Variants in GRID1 observed in about 807,000 individuals in gnomAD.
The protein encoded by GRID1 is glutamate ionotropic receptor delta type subunit 1.
GRID1 carries 28 observed loss-of-function variants against 98.0 expected under a neutral mutation model. That is an observed-to-expected ratio of 0.29 (90% CI 0.21 to 0.39). The LOEUF (loss-of-function observed/expected upper bound fraction) is 0.39, where lower values mean the gene tolerates loss of function less well. GRID1 is among the 10% of genes least tolerant of loss of function. The pLI, the probability that GRID1 is intolerant of heterozygous loss-of-function variation, is 1.00. For synonymous variants in GRID1, 553 were observed against 538.5 expected (o/e 1.03, Z -0.37); for missense variants, 1,111 against 1,340.5 (o/e 0.83, Z 2.67).
At chr10:86,100,975 C>A (rs1844287855) in intron 4 of GRID1, among the ~76,000 whole-genome samples, 1 of 152,084 alleles carries the variant, frequency 6.6e-6, no homozygotes, top group African/African-American at 2.4e-5. Flanking sequence ...TTGTTATGCA[C>A]CATTAAATGG....
intron 8 of GRID1, among the ~76,000 whole-genome samples, chr10:85,791,568 G>T (rs1020194044): frequency 6.6e-6 from 1 of 152,088 alleles, no homozygotes; most frequent in Non-Finnish European, 1.5e-5. Context: ...ATGATAACCA[G>T]AAAGAAAGTG....
chr10:86,275,157 C>T lies in GRID1; in HGVS notation c.236-68509G>A, dbSNP rs541634517. Among the ~76,000 whole-genome samples, 2 of 152,150 alleles carry T rather than the reference C, an allele frequency of 1.3e-5. 1 individual carries two copies. The highest frequency in any genetic ancestry group is 4.1e-4 in the South Asian group (2 of 4,830). On this transcript the variant is annotated intron_variant, in intron 2 of 15. Transcript: ENST00000327946. ...TCATGGCATTCAAGGAATTATCTGTCAAAACATTAGCCAAACACAGGCTAA... is the reference window on the plus strand; with the variant it reads ...TCATGGCATTCAAGGAATTATCTGTTAAAACATTAGCCAAACACAGGCTAA...
chr10:85,647,171 T>G, intron 13 of GRID1, 31 bp downstream of exon 13: 1 of 1,588,584 alleles, frequency 6.3e-7, no homozygotes, highest in Non-Finnish European at 8.6e-7. Context: ...CCTGTTACAG[T>G]GCACGTGCCC....
intron 5 of GRID1, among the ~76,000 whole-genome samples, chr10:85,872,607 G>A (rs959383271): frequency 6.6e-6 from 1 of 152,240 alleles, no homozygotes; most frequent in East Asian, 1.9e-4. Flanking sequence ...AGCACCTGGA[G>A]TGAGTGGCTA....
intron 12 of GRID1, among the ~76,000 whole-genome samples, chr10:85,689,241 A>G (rs897416502): frequency 2.6e-5 from 4 of 152,232 alleles, no homozygotes; most frequent in African/African-American, 9.6e-5. Flanking sequence ...TGGAACTGGT[A>G]CAGATAGGCT....
At chr10:85,697,316 T>G (rs1841405366) in intron 12 of GRID1, among the ~76,000 whole-genome samples, 1 of 152,172 alleles carries the variant, frequency 6.6e-6, no homozygotes, top group Non-Finnish European at 1.5e-5. Flanking sequence ...GCATAAATAT[T>G]TAGACATGTT....
intron 4 of GRID1, among the ~76,000 whole-genome samples, chr10:86,002,724 G>A (rs1842816226): frequency 6.6e-6 from 1 of 152,114 alleles, no homozygotes; most frequent in Non-Finnish European, 1.5e-5. Flanking sequence ...TAAAAACTGT[G>A]GAATTAAGCC....
In GRID1 at chr10:85,870,060, C is replaced by T. The variant is rs142729283; in HGVS notation, c.781-880G>A. Among the ~76,000 whole-genome samples, 1,201 of 152,228 alleles carry T rather than the reference C, an allele frequency of 7.9e-3. 17 individuals carry two copies. The highest frequency in any genetic ancestry group is 0.034 in the Middle Eastern group (10 of 294). On this transcript the variant is annotated intron_variant, in intron 5 of 15. Transcript: ENST00000327946. ...GATTGAAGGATGCAAAGTATTGTTC[C>T]TGGGTGTGTCTGTGAGGGTGTTGCC...
intron 8 of GRID1, among the ~76,000 whole-genome samples, chr10:85,730,247 C>A (rs1020978760): frequency 2.6e-5 from 4 of 152,208 alleles, no homozygotes; most frequent in African/African-American, 9.7e-5. Context: ...ATCCAATAGC[C>A]AGAGGCATCT....
chr10:85,798,105 A>G (rs1842542481), intron 8 of GRID1, among the ~76,000 whole-genome samples: 1 of 152,116 alleles, frequency 6.6e-6, no homozygotes, highest in South Asian at 2.1e-4. Context: ...ACAATGATCT[A>G]TTTTCCTTTG....
At chr10:85,826,169 A>G (rs1350821274) in intron 8 of GRID1, among the ~76,000 whole-genome samples, 2 of 148,664 alleles carry the variant, frequency 1.3e-5, no homozygotes, top group Non-Finnish European at 3.0e-5. Context: ...CATCTCTACT[A>G]AAAAAAAAAT....
chr10:86,231,001 C>T lies in GRID1; in HGVS notation c.236-24353G>A, dbSNP rs1014484540. On this transcript the variant is annotated intron_variant, in intron 2 of 15. Coordinates refer to ENST00000327946, the MANE Select transcript of GRID1 (RefSeq NM_017551.3). Reference sequence around the variant, plus strand: ...AATCCCTGGTTCCATGAGACTTTCCCGAGGACCAGGCCTCTCAGCACTGGG... The same window carrying T: ...AATCCCTGGTTCCATGAGACTTTCCTGAGGACCAGGCCTCTCAGCACTGGG... Among the ~76,000 whole-genome samples the T allele has an allele frequency of 7.9e-5, 12 of 152,208 alleles. No individual in the cohort carries two copies. The South Asian group carries it at 8.3e-4, about 11-fold the overall frequency.
chr10:86,027,908 C>T (rs551152410), intron 4 of GRID1, among the ~76,000 whole-genome samples: 2 of 152,278 alleles, frequency 1.3e-5, no homozygotes, highest in African/African-American at 2.4e-5. Context: ...TGTATATAGA[C>T]AAGAGAATAA....
At chr10:86,019,745 G>A (rs1460654260) in intron 4 of GRID1, among the ~76,000 whole-genome samples, 2 of 152,346 alleles carry the variant, frequency 1.3e-5, no homozygotes, top group African/African-American at 4.8e-5. Flanking sequence ...GATTCAAACA[G>A]AGGTCTGGCT....
chr10:86,295,608 G>A (rs1380972489), intron 2 of GRID1, among the ~76,000 whole-genome samples: 1 of 152,228 alleles, frequency 6.6e-6, no homozygotes, highest in African/African-American at 2.4e-5. Context: ...CAGACGGAGT[G>A]GAGAAAGAAT....
intron 8 of GRID1, among the ~76,000 whole-genome samples, chr10:85,818,064 G>T (rs1375042730): frequency 6.6e-6 from 1 of 152,120 alleles, no homozygotes; most frequent in East Asian, 1.9e-4. Context: ...TGGTAAATTT[G>T]GTTCTCACAT....
intron 2 of GRID1, among the ~76,000 whole-genome samples, chr10:86,276,288 T>C (rs1847268369): frequency 6.6e-6 from 1 of 152,184 alleles, no homozygotes. Context: ...CTTCCCTCTA[T>C]ATATGTTTAT....
intron 12 of GRID1, among the ~76,000 whole-genome samples, chr10:85,682,635 T>C (rs1373790928): frequency 1.3e-5 from 2 of 152,208 alleles, no homozygotes; most frequent in African/African-American, 4.8e-5. Flanking sequence ...CAAACATCTT[T>C]GGTAGGTGGA....
intron 2 of GRID1, among the ~76,000 whole-genome samples, chr10:86,309,408 G>A (rs1327719692): frequency 6.6e-6 from 1 of 152,218 alleles, no homozygotes; most frequent in Non-Finnish European, 1.5e-5. Context: ...TACTGGCATA[G>A]TTTGCAGGGA....
Sources: allele counts gnomAD v4.1 joint callset (sites outside exome capture counted in the v4.1 genomes callset), GRCh38; gene constraint gnomAD v4.1.1; transcripts MANE v1.5; gene names NCBI Gene and HGNC (gene_info 2026-07-23, HGNC 2026-07-21).